CD80: variants seen among roughly 807,000 people sequenced by gnomAD.
CD80 encodes the protein CD80 molecule.
In CD80, 13 loss-of-function variants were observed where a neutral mutation model predicts 27.1. The observed-to-expected ratio is 0.48, with a 90% confidence interval of 0.31 to 0.76. The LOEUF (loss-of-function observed/expected upper bound fraction) is 0.76. CD80 is among the 30% of genes least tolerant of loss of function. The pLI, the probability that CD80 is intolerant of heterozygous loss-of-function variation, is 0.04. For synonymous variants in CD80, 125 were observed against 125.5 expected, an observed-to-expected ratio of 1.00 and a Z score of 0.03; for missense variants, 277 against 347.9, an observed-to-expected ratio of 0.80 and a Z score of 1.62.
intron 2 of CD80, among the ~76,000 whole-genome samples, chr3:119,546,635 C>T (rs2082204026): frequency 6.6e-6 from 1 of 152,150 alleles, no homozygotes; most frequent in Non-Finnish European, 1.5e-5. Context: ...CATGAATTCT[C>T]ACTTACAGAA....
Position 119,525,215 on chromosome 3 carries a change from T to C in CD80, c.*573A>G, listed in dbSNP as rs2082057721. 6.6e-6 allele frequency: 1 copy of C among 152,162 alleles called. No individual in the cohort carries two copies. The highest frequency in any genetic ancestry group is 1.5e-5 in the Non-Finnish European group (1 of 68,030). The allele number at this position is 152,162 out of a possible 1,614,324, so 9.4% of individuals were successfully genotyped here. On this transcript the variant is annotated 3_prime_UTR_variant, in exon 7 of 7. Coordinates refer to ENST00000264246, the MANE Select transcript of CD80 (RefSeq NM_005191.4). ...ATACTGGGTAAACACCAATAATATT[T>C]CCATTAGTCTCCTAAAGATGTTCAT...
intron 2 of CD80, among the ~76,000 whole-genome samples, chr3:119,553,884 C>T (rs2082248723): frequency 6.6e-6 from 1 of 152,230 alleles, no homozygotes; most frequent in Non-Finnish European, 1.5e-5. Context: ...TTTGTGCACA[C>T]TCTTCCAACA....
At chr3:119,536,210 C>T (rs916811354) in intron 4 of CD80, among the ~76,000 whole-genome samples, 38 of 152,140 alleles carry the variant, frequency 2.5e-4, no homozygotes, top group Middle Eastern at 3.4e-3. Context: ...GAGATTGTGC[C>T]ACTGCACTCC....
At chr3:119,533,660 A>G (rs371856234) in intron 4 of CD80, among the ~76,000 whole-genome samples, 14 of 152,170 alleles carry the variant, frequency 9.2e-5, no homozygotes, top group African/African-American at 3.1e-4. Context: ...TGCCATCCAC[A>G]TAAGACATGA....
intron 2 of CD80, among the ~76,000 whole-genome samples, chr3:119,552,572 C>G (rs1361308896): frequency 6.7e-6 from 1 of 150,042 alleles, no homozygotes; most frequent in African/African-American, 2.5e-5. Flanking sequence ...AGGCCAGGCA[C>G]CCGTAATCCC....
chr3:119,531,046 T>C (rs371578119), intron 4 of CD80, among the ~76,000 whole-genome samples: 12 of 152,390 alleles, frequency 7.9e-5, no homozygotes, highest in African/African-American at 2.9e-4. Flanking sequence ...CAATGTGTGA[T>C]GCTTAGTTCT....
rs1479901177 is a variant in CD80 at position 119,544,783 on chromosome 3, G to A, written c.185C>T (p.Thr62Ile). The change falls in exon 3 of 7, where the codon ACT (threonine) becomes ATT (isoleucine). Residue 62 changes from threonine (T) to isoleucine (I), a missense_variant. Coordinates refer to ENST00000264246, the MANE Select transcript of CD80 (RefSeq NM_005191.4). ...CTTCTCCTTTTGCCAGTAGATGCGA[G>A]TTTGTGCCAGCTCTTCAACAGAAAC... The part of the protein sequence containing the change: ...HNVSVEELAQ[T>I]RIYWQKEKKM... 2.5e-6 allele frequency: 4 copies of A among 1,614,200 alleles called. No homozygotes were observed. Among genetic ancestry groups the A allele is most frequent in the East Asian group, 2.2e-5 (1 of 44,880 alleles).
At chr3:119,535,974 G>A (rs138459431) in intron 4 of CD80, among the ~76,000 whole-genome samples, 13,371 of 152,140 alleles carry the variant, frequency 0.088, 768 homozygotes, top group Non-Finnish European at 0.12. Flanking sequence ...AAATAAGGCC[G>A]GGTGCAGTGG....
intron 2 of CD80, among the ~76,000 whole-genome samples, chr3:119,553,391 C>T (rs888794678): frequency 2.6e-5 from 4 of 152,142 alleles, no homozygotes; most frequent in African/African-American, 4.8e-5. Flanking sequence ...CCACCCATCT[C>T]GGCCTCCCAA....
chr3:119,543,465 T>G (rs1390451715), intron 3 of CD80, among the ~76,000 whole-genome samples: 1 of 151,928 alleles, frequency 6.6e-6, no homozygotes, highest in Non-Finnish European at 1.5e-5. Flanking sequence ...TAGTCTACTT[T>G]TTTTTTTTTT....
chr3:119,539,884 C>T (rs2082157990), intron 3 of CD80, among the ~76,000 whole-genome samples: 1 of 152,178 alleles, frequency 6.6e-6, no homozygotes, highest in African/African-American at 2.4e-5. Context: ...TTAGTTTGCT[C>T]ATCTATAAGA....
intron 2 of CD80, among the ~76,000 whole-genome samples, chr3:119,548,945 G>A (rs532440450): frequency 6.6e-6 from 1 of 152,318 alleles, no homozygotes; most frequent in East Asian, 1.9e-4. Flanking sequence ...GCTGAGGCAG[G>A]AGAATCACTT....
At chr3:119,529,645 C>G (rs1560053070) in intron 5 of CD80, among the ~76,000 whole-genome samples, 197 bp downstream of exon 5, 1 of 152,158 alleles carries the variant, frequency 6.6e-6, no homozygotes, top group Non-Finnish European at 1.5e-5. Context: ...GAGTGCCACA[C>G]ACGTAGGAGG....
chr3:119,541,216 T>C (rs1211393970), intron 3 of CD80, among the ~76,000 whole-genome samples: 4 of 152,166 alleles, frequency 2.6e-5, no homozygotes, highest in Admixed American at 6.5e-5. Flanking sequence ...TCATTTTAAT[T>C]AGTTAACCCA....
chr3:119,538,457 T>C (rs1199644908), intron 3 of CD80, among the ~76,000 whole-genome samples: 1 of 152,220 alleles, frequency 6.6e-6, no homozygotes, highest in African/African-American at 2.4e-5. Flanking sequence ...AATCTGCTGG[T>C]ATGATGTCAC....
chr3:119,544,719 T>C lies in CD80; in HGVS notation c.249A>G (p.Ile83Met). 1 of 1,614,230 alleles carries C rather than the reference T, an allele frequency of 6.2e-7. No homozygotes were observed. Among genetic ancestry groups the C allele is most frequent in the Admixed American group, 1.7e-5 (1 of 60,034 alleles). The part of the protein sequence containing the change: ...VLTMMSGDMN[I>M]WPEYKNRTIF... ...TGGTCCGGTTCTTGTACTCGGGCCA[T>C]ATATTCATGTCCCCAGACATCATAG... The change falls in exon 3 of 7, where the codon ATA becomes ATG. Residue 83 changes from isoleucine to methionine, a missense_variant. Ile to Met is a conservative substitution (Grantham distance 10, BLOSUM62 1). Transcript: ENST00000264246.
At chr3:119,552,043 A>G (rs1300531477) in intron 2 of CD80, among the ~76,000 whole-genome samples, 2 of 152,230 alleles carry the variant, frequency 1.3e-5, no homozygotes, top group East Asian at 3.9e-4. Flanking sequence ...GTAGGGCACA[A>G]TAGGGACACT....
intron 4 of CD80, 73 bp downstream of exon 4, chr3:119,537,064 T>A: frequency 7.7e-7 from 1 of 1,299,124 alleles, no homozygotes; most frequent in East Asian, 2.3e-5. Context: ...TGTATCCACA[T>A]CATTAAATGA....
At chr3:119,557,477 C>A in intron 2 of CD80, 152 bp downstream of exon 2, 1 of 483,534 alleles carries the variant, frequency 2.1e-6, no homozygotes. Flanking sequence ...CCTCTTTGGA[C>A]CACAGTCTTC....
Sources: gnomAD v4.1 joint callset for allele counts (sites outside exome capture counted in the v4.1 genomes callset) on GRCh38, gnomAD v4.1.1 for gene constraint, MANE v1.5 for transcripts, NCBI Gene and HGNC (gene_info 2026-07-23, HGNC 2026-07-21) for gene names.